Variants in PTPRT observed in about 807,000 individuals in gnomAD.
The protein encoded by PTPRT is receptor-type tyrosine-protein phosphatase T.
Under a neutral mutation model 176.8 loss-of-function variants are expected in PTPRT, and 56 were observed. That is an observed-to-expected ratio of 0.32 (90% CI 0.26 to 0.40). The LOEUF is 0.40. Among genes scored for constraint, PTPRT ranks in the 10% least tolerant of loss-of-function variants. The probability of loss-of-function intolerance (pLI) is 1.00; values close to 1 mark genes in which losing one functional copy is unlikely to be tolerated. For missense variants in PTPRT, 1,540 were observed against 1,908.2 expected (o/e 0.81, Z 3.60); for synonymous variants, 783 against 739.0 (o/e 1.06, Z -0.96).
intron 16 of PTPRT, 142 bp downstream of exon 16, chr20:42,199,098 G>C (rs1991345508): frequency 1.1e-6 from 1 of 936,610 alleles, no homozygotes; most frequent in Non-Finnish European, 1.5e-6. Flanking sequence ...TTGTCAGGGA[G>C]AACCTTCATC....
chr20:42,138,738 A>T (rs907621110), intron 18 of PTPRT, among the ~76,000 whole-genome samples: 2 of 151,914 alleles, frequency 1.3e-5, no homozygotes, highest in Admixed American at 6.6e-5. Flanking sequence ...CTTCCCTTTC[A>T]CTTCCTTTCC....
rs141736622 is a variant in PTPRT, at chr20:43,129,047, G to A, written c.88+60599C>T. On this transcript the variant is annotated intron_variant, in intron 1 of 30. Coordinates refer to ENST00000373187, the MANE Select transcript of PTPRT (RefSeq NM_007050.6). ...AAGCTCCTTGAAGGTCCTGCATGAG[G>A]GTCCTGCTTGTTTTCTTGTTGTATT... is the stretch of plus-strand genomic sequence containing the variant. Among the ~76,000 whole-genome samples, 67 of 152,242 alleles carry A rather than the reference G, an allele frequency of 4.4e-4. No homozygotes were observed. The East Asian group carries it at 0.013, about 28-fold the overall frequency.
At chr20:43,031,913 A>G (rs1481954103) in intron 1 of PTPRT, among the ~76,000 whole-genome samples, 2 of 152,098 alleles carry the variant, frequency 1.3e-5, no homozygotes, top group African/African-American at 2.4e-5. Flanking sequence ...GTACTCCCCA[A>G]CCACAAAGCC....
chr20:42,262,245 G>C (rs547269158), intron 13 of PTPRT, among the ~76,000 whole-genome samples: 20 of 152,300 alleles, frequency 1.3e-4, no homozygotes, highest in Admixed American at 7.8e-4. Context: ...AGGATGGATG[G>C]AAAAGCAGCT....
At chr20:42,191,417 G>A (rs974333902) in intron 16 of PTPRT, among the ~76,000 whole-genome samples, 5 of 152,202 alleles carry the variant, frequency 3.3e-5, no homozygotes, top group African/African-American at 1.2e-4. Flanking sequence ...GAGTGAGGGT[G>A]ATGGTAGCTC....
At chr20:42,426,697 G>A (rs539069288) in intron 9 of PTPRT, among the ~76,000 whole-genome samples, 3 of 152,260 alleles carry the variant, frequency 2.0e-5, no homozygotes, top group East Asian at 3.9e-4. Context: ...GTGCTAGCCC[G>A]AGCTCCTGCA....
At chr20:42,369,872 G>A (rs893709473) in intron 9 of PTPRT, among the ~76,000 whole-genome samples, 4 of 152,240 alleles carry the variant, frequency 2.6e-5, no homozygotes, top group Admixed American at 6.5e-5. Flanking sequence ...TTTGAGGGAT[G>A]TTGTGTTTTT....
intron 2 of PTPRT, among the ~76,000 whole-genome samples, chr20:42,843,853 T>A (rs208257): frequency 1.3e-5 from 2 of 152,184 alleles, no homozygotes; most frequent in African/African-American, 4.8e-5. Flanking sequence ...AAAAAGCACA[T>A]CACCTTCCTT....
At chr20:42,406,311 AAG>A (rs2058960386) in intron 9 of PTPRT, among the ~76,000 whole-genome samples, 1 of 152,078 alleles carries the variant, frequency 6.6e-6, no homozygotes, top group African/African-American at 2.4e-5. Context: ...AAATGAAAAT[AAG>A]AGAGTATAAC....
intron 17 of PTPRT, among the ~76,000 whole-genome samples, chr20:42,157,788 G>T (rs935038940): frequency 6.6e-6 from 1 of 152,206 alleles, no homozygotes; most frequent in Non-Finnish European, 1.5e-5. Context: ...TGATACCCAA[G>T]TTTGGGCCAC....
At chr20:42,219,388 T>A (rs145294250) in intron 15 of PTPRT, among the ~76,000 whole-genome samples, 3 of 152,142 alleles carry the variant, frequency 2.0e-5, no homozygotes, top group African/African-American at 7.2e-5. Context: ...AAGGGTGTTA[T>A]AATCTCAACA....
chr20:43,098,083 C>G (rs2425589), intron 1 of PTPRT, among the ~76,000 whole-genome samples: 46,474 of 151,952 alleles, frequency 0.31, 7,578 homozygotes, highest in Non-Finnish European at 0.37. Flanking sequence ...CTCCAGAACT[C>G]TGAGTAGAGA....
At chr20:42,886,022 T>G in intron 1 of PTPRT, 90 bp from the exon 2 acceptor site, 1 of 1,099,050 alleles carries the variant, frequency 9.1e-7, no homozygotes, top group Non-Finnish European at 1.2e-6. Context: ...TTTACAGCTT[T>G]GAATTTTAAA....
chr20:42,699,778 G>A (rs887738465), intron 6 of PTPRT, among the ~76,000 whole-genome samples: 14 of 152,080 alleles, frequency 9.2e-5, no homozygotes, highest in East Asian at 5.8e-4. Context: ...TCCTCACTAC[G>A]CCAAGTACAG....
chr20:42,270,389 G>A (rs2056912729), intron 13 of PTPRT: 1 of 1,548,126 alleles, frequency 6.5e-7, no homozygotes, highest in Non-Finnish European at 8.7e-7. Flanking sequence ...CAGGGCTCTG[G>A]TGATCACCTG....
At chr20:43,153,924 G>A (rs1021243171) in intron 1 of PTPRT, among the ~76,000 whole-genome samples, 3 of 151,822 alleles carry the variant, frequency 2.0e-5, no homozygotes, top group African/African-American at 4.8e-5. Context: ...CAGGTGGCTT[G>A]TAGAGAAACC....
At chr20:42,518,120 C>T (rs2072103087) in intron 7 of PTPRT, among the ~76,000 whole-genome samples, 2 of 151,978 alleles carry the variant, frequency 1.3e-5, no homozygotes, top group African/African-American at 4.8e-5. Flanking sequence ...CTGTCATACT[C>T]AGTTTAGAGG....
chr20:43,097,669 T>C (rs1456966464), intron 1 of PTPRT, among the ~76,000 whole-genome samples: 1 of 152,132 alleles, frequency 6.6e-6, no homozygotes, highest in Non-Finnish European at 1.5e-5. Flanking sequence ...TGACAGACAC[T>C]GCACTCTCCT....
At chr20:42,689,814 G>C (rs940364488) in intron 6 of PTPRT, among the ~76,000 whole-genome samples, 7 of 152,090 alleles carry the variant, frequency 4.6e-5, no homozygotes, top group African/African-American at 1.7e-4. Context: ...GGGAAAGCTG[G>C]TGACGTCTAG....
Sources: allele counts gnomAD v4.1 joint callset (sites outside exome capture counted in the v4.1 genomes callset), GRCh38; gene constraint gnomAD v4.1.1; transcripts MANE v1.5; gene names NCBI Gene and HGNC (gene_info 2026-07-23, HGNC 2026-07-21).